TSEN2: variants seen among roughly 807,000 people sequenced by gnomAD.
TSEN2 encodes the protein tRNA splicing endonuclease subunit 2, also known as tRNA-splicing endonuclease subunit Sen2.
Under a neutral mutation model 59.2 loss-of-function variants are expected in TSEN2, and 54 were observed. The observed-to-expected ratio is 0.91, with a 90% CI of 0.73 to 1.14. The LOEUF is 1.14. Ranked by LOEUF, TSEN2 falls within the 50% of genes most tolerant of loss-of-function variation. The pLI is 0.00. For missense variants in TSEN2, 636 were observed against 576.2 expected, an observed-to-expected ratio of 1.10 and a Z score of -1.06; for synonymous variants, 195 against 198.2, an observed-to-expected ratio of 0.98 and a Z score of 0.14.
chr3:12,534,972 A>C (rs2057639271), downstream of TSEN2, among the ~76,000 whole-genome samples: 1 of 152,158 alleles, frequency 6.6e-6, no homozygotes, highest in African/African-American at 2.4e-5. Flanking sequence ...TCCATTAAAA[A>C]ACAAAAACAA....
At chr3:12,515,292 G>T (rs916626789) in intron 6 of TSEN2, among the ~76,000 whole-genome samples, 3 of 152,206 alleles carry the variant, frequency 2.0e-5, no homozygotes, top group Admixed American at 2.0e-4. Flanking sequence ...AAGAAGCTGA[G>T]TGAGCAGTTT....
chr3:12,488,130 G>A (rs1433588153), intron 1 of TSEN2, among the ~76,000 whole-genome samples: 1 of 152,180 alleles, frequency 6.6e-6, no homozygotes, highest in Non-Finnish European at 1.5e-5. Flanking sequence ...TTTTCTTAAT[G>A]GTCATGACAC....
In TSEN2 at chr3:12,489,977, G is replaced by C. The variant is rs760337708; in HGVS notation, c.177G>C (p.Gln59His). ...VIVRNAEDIE[Q>H]LYGKGYFGKG... ...TGAGGAATGCGGAGGACATTGAGCAGCTCTATGGGAAAGTAAGTGCAGGCA... is the reference window on the plus strand; with the variant it reads ...TGAGGAATGCGGAGGACATTGAGCACCTCTATGGGAAAGTAAGTGCAGGCA... Residue 59 changes from glutamine (Q) to histidine (H), a missense_variant, in exon 2 of 12, where the codon CAG becomes CAC. Gln to His is a conservative substitution (Grantham distance 24). Coordinates refer to ENST00000284995, the MANE Select transcript of TSEN2 (RefSeq NM_025265.4). 1.2e-6 allele frequency: 2 copies of C among 1,614,140 alleles called. No homozygotes were observed. Among genetic ancestry groups the C allele is most frequent in the Admixed American group, 3.3e-5 (2 of 60,028 alleles).
At chr3:12,520,560 C>T (rs962708359) in intron 8 of TSEN2, among the ~76,000 whole-genome samples, 2 of 152,108 alleles carry the variant, frequency 1.3e-5, no homozygotes, top group Non-Finnish European at 2.9e-5. Context: ...GAGGCCGAGG[C>T]GGGCAGATCG....
intron 8 of TSEN2, among the ~76,000 whole-genome samples, chr3:12,524,933 A>C (rs753099427): frequency 6.6e-6 from 1 of 151,816 alleles, no homozygotes; most frequent in Admixed American, 6.6e-5. Flanking sequence ...TAGTAGAGAC[A>C]GGATTTCACC....
chr3:12,520,296 C>T lies in TSEN2; in HGVS notation c.1099+1099C>T, dbSNP rs565823688. Among the ~76,000 whole-genome samples, 10 of 152,194 alleles carry T rather than the reference C, an allele frequency of 6.6e-5. No homozygotes were observed. In the South Asian group the frequency reaches 8.3e-4, roughly 13 times the overall value. ...TATAGGTGTGAGCCACCATGCCGGCCGTATTGTCTTCATTTTCTGATAGGG... is the reference window on the plus strand; with the variant it reads ...TATAGGTGTGAGCCACCATGCCGGCTGTATTGTCTTCATTTTCTGATAGGG... On this transcript the variant is annotated intron_variant, in intron 8 of 11. Coordinates refer to ENST00000284995, the MANE Select transcript of TSEN2 (RefSeq NM_025265.4).
intron 6 of TSEN2, among the ~76,000 whole-genome samples, chr3:12,511,723 C>T (rs1185706155): frequency 1.3e-5 from 2 of 152,042 alleles, no homozygotes; most frequent in African/African-American, 4.8e-5. Flanking sequence ...CATGCCACCA[C>T]GCCCAGCTAA....
intron 9 of TSEN2, among the ~76,000 whole-genome samples, chr3:12,529,522 T>G (rs1290977611): frequency 1.3e-5 from 2 of 152,154 alleles, no homozygotes; most frequent in East Asian, 3.8e-4. Flanking sequence ...TGTGTGAATT[T>G]ACAGCTTTCA....
Position 12,532,795 on chromosome 3 carries a change from A to C in TSEN2, c.*74A>C. 1 of 1,424,896 alleles carries C rather than the reference A, an allele frequency of 7.0e-7. No homozygotes were observed. Among genetic ancestry groups the C allele is most frequent in the Non-Finnish European group, 9.9e-7 (1 of 1,011,116 alleles). The allele number at this position is 1,424,896 out of a possible 1,614,324, so 88.3% of individuals were successfully genotyped here. A position where few individuals can be genotyped will look rare whatever the true frequency, so the allele number is the denominator to read the frequency against. The stretch of plus-strand genomic sequence containing the variant: ...CTAGGTAAAAAGTTCTTTTTGTTGT[A>C]ATCGTCCATTAATTCATAAGTTTTA... On this transcript the variant is annotated 3_prime_UTR_variant, in exon 12 of 12. Coordinates refer to ENST00000284995, the MANE Select transcript of TSEN2 (RefSeq NM_025265.4).
In TSEN2 at chr3:12,532,844, A is replaced by AT; in HGVS notation, c.*123_*124insT. ...TAAAGGGCATGGTGCTCCCAGCACC[A>AT]GAAAACTATCAGTGTTTTTAAAGAT... On this transcript the variant is annotated 3_prime_UTR_variant, in exon 12 of 12. Transcript: ENST00000284995. The AT allele has an allele frequency of 2.3e-6, 2 of 885,542 alleles. No homozygotes were observed. The highest frequency in any genetic ancestry group is 3.7e-6 in the Non-Finnish European group (2 of 545,820). 54.9% of individuals were successfully genotyped at this position (885,542 alleles called of 1,614,324 possible).
chr3:12,482,695 C>T (rs958517022), upstream of TSEN2, among the ~76,000 whole-genome samples: 1 of 152,126 alleles, frequency 6.6e-6, no homozygotes, highest in Non-Finnish European at 1.5e-5. Flanking sequence ...CAGACCTGCT[C>T]GGTTATCTCT....
chr3:12,494,006 G>A (rs569872211), intron 3 of TSEN2, among the ~76,000 whole-genome samples: 6 of 152,308 alleles, frequency 3.9e-5, no homozygotes, highest in African/African-American at 1.4e-4. Context: ...TTCGTATACT[G>A]TGTAAAGTAA....
chr3:12,511,593 GTCTC>G (rs564463291), intron 6 of TSEN2, among the ~76,000 whole-genome samples: 1 of 150,120 alleles, frequency 6.7e-6, no homozygotes, highest in Non-Finnish European at 1.5e-5. Context: ...TTGAGGCAGG[GTCTC>G]TCTCTGTCAC....
intron 1 of TSEN2, among the ~76,000 whole-genome samples, chr3:12,487,499 T>C (rs2052740017): frequency 1.3e-5 from 2 of 150,468 alleles, no homozygotes; most frequent in African/African-American, 5.0e-5. Flanking sequence ...TAAATCTTTT[T>C]TCATTTTTTT....
intron 7 of TSEN2, among the ~76,000 whole-genome samples, chr3:12,517,289 T>C (rs1453256568): frequency 1.5e-5 from 2 of 134,738 alleles, no homozygotes; most frequent in Admixed American, 1.7e-4. Context: ...ACCTGGGAGG[T>C]GGAGGTTGCA....
At chr3:12,507,059 G>A (rs1315490850) in intron 6 of TSEN2, among the ~76,000 whole-genome samples, 1 of 152,146 alleles carries the variant, frequency 6.6e-6, no homozygotes, top group African/African-American at 2.4e-5. Flanking sequence ...TGGGTGTGGT[G>A]TCACACACCT....
chr3:12,504,318 A>C, intron 5 of TSEN2, among the ~76,000 whole-genome samples: 1 of 152,238 alleles, frequency 6.6e-6, no homozygotes. Context: ...GCAGTGGCTC[A>C]CACCTGTAAT....
intron 8 of TSEN2, among the ~76,000 whole-genome samples, chr3:12,521,936 A>C (rs1470938431): frequency 6.6e-6 from 1 of 151,868 alleles, no homozygotes; most frequent in Non-Finnish European, 1.5e-5. Context: ...GCGTGAACCC[A>C]GGAGGCGGAG....
At chr3:12,491,058 T>C (rs149052684) in intron 2 of TSEN2, among the ~76,000 whole-genome samples, 2 of 152,320 alleles carry the variant, frequency 1.3e-5, no homozygotes, top group African/African-American at 4.8e-5. Context: ...TGGCATGATC[T>C]CAGCTCACTG....
Sources: allele counts gnomAD v4.1 joint callset (sites outside exome capture counted in the v4.1 genomes callset), GRCh38; gene constraint gnomAD v4.1.1; transcripts MANE v1.5; gene names NCBI Gene and HGNC (gene_info 2026-07-23, HGNC 2026-07-21).